TLN1: variants seen among roughly 807,000 people sequenced by gnomAD.
TLN1 encodes talin 1.
In TLN1, 56 loss-of-function variants were observed where a neutral mutation model predicts 292.3. The ratio of observed to expected loss-of-function variants is 0.19; its 90% CI spans 0.15 to 0.24. The LOEUF (loss-of-function observed/expected upper bound fraction) is 0.24, where lower values mean the gene tolerates loss of function less well. Ranked by LOEUF, TLN1 falls within the 10% of genes least tolerant of loss-of-function variation. TLN1 has a pLI of 1.00. For missense variants in TLN1, 2,433 were observed against 3,248.2 expected, an observed-to-expected ratio of 0.75 and a Z score of 6.10; for synonymous variants, 1,119 against 1,253.7, an observed-to-expected ratio of 0.89 and a Z score of 2.27.
Position 35,719,008 on chromosome 9 carries a change from T to C in TLN1, c.1896+66A>G. 1 of 1,597,538 alleles carries C rather than the reference T, an allele frequency of 6.3e-7. No homozygotes were observed. Among genetic ancestry groups the C allele is most frequent in the South Asian group, 1.1e-5 (1 of 90,364 alleles). ...GGACCCAGGCTTCCATCCTGTGGCT[T>C]GGACTGCCCCTTCTCCTTGGGCTTG... is the stretch of plus-strand genomic sequence containing the variant. On this transcript the variant is annotated intron_variant, in intron 16 of 56. Transcript: ENST00000314888. The surrounding 1 kb of genome is among the most constrained non-coding windows in gnomAD (Gnocchi z 4.6).
At chr9:35,715,669 T>C (rs1235774553) in intron 20 of TLN1, among the ~76,000 whole-genome samples, 1 of 152,226 alleles carries the variant, frequency 6.6e-6, no homozygotes, top group Non-Finnish European at 1.5e-5. Flanking sequence ...ACTGAATGCC[T>C]ATGTGTATTC....
In TLN1 at chr9:35,698,273, GT is replaced by G; in HGVS notation, c.7371+49del. 4 of 1,609,342 alleles carry G rather than the reference GT, an allele frequency of 2.5e-6. No homozygotes were observed. The highest frequency in any genetic ancestry group is 3.4e-6 in the Non-Finnish European group (4 of 1,176,408). On this transcript the variant is annotated intron_variant, in intron 55 of 56. Coordinates refer to ENST00000314888, the MANE Select transcript of TLN1 (RefSeq NM_006289.4). This position sits in a 1 kb window ranked among gnomAD's most constrained non-coding sequence, Gnocchi z 5.3. Reference sequence around the variant, plus strand: ...AGAAACATACATCTCGGGAGTGACAGTTTGAAGCAGTATAGCCCAAGGGACA... The same window carrying G: ...AGAAACATACATCTCGGGAGTGACAGTTGAAGCAGTATAGCCCAAGGGACA...
Position 35,707,974 on chromosome 9 carries a change from G to C in TLN1, c.4471-82C>G, listed in dbSNP as rs950858668. ...AGGAGGAGCCATTTTAGGGTCAGGG[G>C]ATGGAGAGCAATACCCTGAGGAGTC... On this transcript the variant is annotated intron_variant, in intron 34 of 56. Transcript: ENST00000314888. This position sits in a 1 kb window ranked among gnomAD's most constrained non-coding sequence, Gnocchi z 5.6. 7 of 1,502,086 alleles carry C rather than the reference G, an allele frequency of 4.7e-6. No individual in the cohort carries two copies. In the African/African-American group the frequency reaches 9.6e-5, roughly 21 times the overall value. The allele number at this position is 1,502,086 out of a possible 1,614,324, so 93.0% of individuals were successfully genotyped here.
rs1825734300 is a variant in TLN1 at position 35,714,144 on chromosome 9, T to G, written c.3121-63A>C. The G allele has an allele frequency of 6.2e-7, 1 of 1,605,528 alleles. No homozygotes were observed. The highest frequency in any genetic ancestry group is 1.7e-5 in the Admixed American group (1 of 59,656). ...GCTGTGTCTCACCAATGCCTCTGAT[T>G]ACACAATTATCTGCGTATTGGGTTA... On this transcript the variant is annotated intron_variant, in intron 24 of 56. Transcript: ENST00000314888. The surrounding 1 kb of genome is among the most constrained non-coding windows in gnomAD (Gnocchi z 4.6).
chr9:35,707,725 G>A lies in TLN1; in HGVS notation c.4632+6C>T. 3 of 1,614,148 alleles carry A rather than the reference G, an allele frequency of 1.9e-6. No homozygotes were observed. Among genetic ancestry groups the A allele is most frequent in the Non-Finnish European group, 2.5e-6 (3 of 1,180,006 alleles). ...GGGAGAGGCTGGGAATTCAAGCAAT[G>A]GGAACCTTGATGGTCTTGACAAGAT... is the stretch of plus-strand genomic sequence containing the variant. On this transcript the variant is annotated splice_donor_region_variant and intron_variant, in intron 35 of 56. Transcript: ENST00000314888. The surrounding 1 kb of genome is among the most constrained non-coding windows in gnomAD (Gnocchi z 5.6).
rs529674960 is a variant in TLN1 at position 35,726,644 on chromosome 9, C to T, written c.-33-917G>A. On this transcript the variant is annotated intron_variant, in intron 1 of 56. Coordinates refer to ENST00000314888, the MANE Select transcript of TLN1 (RefSeq NM_006289.4). ...TGGTTGCTCAAGCCATTCAGGGGTC[C>T]GCTCTTGCCCCAGCTTTTTTCTAAC... 9.8e-5 allele frequency among the ~76,000 whole-genome samples: 15 copies of T among 152,330 alleles called. No individual in the cohort carries two copies. In the East Asian group the frequency reaches 1.7e-3, roughly 18 times the overall value.
rs1825568540 is a variant in TLN1 at position 35,706,555 on chromosome 9, G to A, written c.5089-4C>T. On this transcript the variant is annotated splice_polypyrimidine_tract_variant and splice_region_variant and intron_variant, in intron 38 of 56. Transcript: ENST00000314888. The surrounding 1 kb of genome is among the most constrained non-coding windows in gnomAD (Gnocchi z 4.2). Reference sequence around the variant, plus strand: ...TGAGCATCTGAGTGTGCAAGGCCTGGGGAGGAAGTGGACATTAGCCCTGAT... The same window carrying A: ...TGAGCATCTGAGTGTGCAAGGCCTGAGGAGGAAGTGGACATTAGCCCTGAT... The A allele has an allele frequency of 1.9e-6, 3 of 1,613,682 alleles. No individual in the cohort carries two copies. The highest frequency in any genetic ancestry group is 4.5e-5 in the East Asian group (2 of 44,874).
In TLN1 at chr9:35,699,801, G is replaced by T; in HGVS notation, c.6768+173C>A. 1.4e-6 allele frequency: 1 copy of T among 716,420 alleles called. No homozygotes were observed. Among genetic ancestry groups the T allele is most frequent in the Non-Finnish European group, 1.7e-6 (1 of 584,838 alleles). 44.4% of individuals were successfully genotyped at this position (716,420 alleles called of 1,614,324 possible). A position where few individuals can be genotyped will look rare whatever the true frequency, so the allele number is the denominator to read the frequency against. ...TGACTGGGAGAACCAAAGATGATAA[G>T]AAGGATGGGGCCTGGGAGAAAGGGA... On this transcript the variant is annotated intron_variant, in intron 50 of 56. Transcript: ENST00000314888. The surrounding 1 kb of genome is among the most constrained non-coding windows in gnomAD (Gnocchi z 4.0).
Position 35,698,501 on chromosome 9 carries a change from C to A in TLN1, c.7193G>T (p.Arg2398Leu), listed in dbSNP as rs556571189. 6.2e-7 allele frequency: 1 copy of A among 1,613,708 alleles called. No individual in the cohort carries two copies. The highest frequency in any genetic ancestry group is 8.5e-7 in the Non-Finnish European group (1 of 1,179,870). The change falls in exon 55 of 57, where the codon CGG (arginine) becomes CTG (leucine). Residue 2398 changes from arginine to leucine, a missense_variant. Around this residue, in one of 7 missense-constraint regions of TLN1, gnomAD observed 141 missense variants for 248.5 expected, o/e 0.57. Coordinates refer to ENST00000314888, the MANE Select transcript of TLN1 (RefSeq NM_006289.4). The surrounding 1 kb of genome is among the most constrained non-coding windows in gnomAD (Gnocchi z 5.3). Reference protein sequence around the residue: ...QWSQGLISAARMVAAATNNLC... With the variant: ...QWSQGLISAALMVAAATNNLC... ...ATTGTTGGTGGCCGCAGCCACCATC[C>A]GGGCCTAAAGCAGGGAGAGTTTGCT... is the stretch of plus-strand genomic sequence containing the variant.
chr9:35,723,037 G>A (rs1264202504), intron 7 of TLN1, 116 bp from the exon 8 acceptor site: 4 of 808,046 alleles, frequency 5.0e-6, no homozygotes, highest in Admixed American at 2.2e-5. Context: ...TCTTTGGGGA[G>A]AAAAAAGACT....
At chr9:35,700,765 T>C (rs1307710009) in intron 48 of TLN1, among the ~76,000 whole-genome samples, 2 of 152,218 alleles carry the variant, frequency 1.3e-5, no homozygotes, top group East Asian at 1.9e-4. Context: ...GAAAAGGTTA[T>C]TGGGGACTTG....
At position 35,706,428 on chromosome 9, in the gene TLN1, T is replaced by G. The variant is rs1156683932; in HGVS notation, c.5190+22A>C. 2 of 1,614,058 alleles carry G rather than the reference T, an allele frequency of 1.2e-6. No homozygotes were observed. Among genetic ancestry groups the G allele is most frequent in the Admixed American group, 1.7e-5 (1 of 60,000 alleles). The stretch of plus-strand genomic sequence containing the variant: ...CTCTCTCACCCTACTCCCTGGGACT[T>G]CCCATGAGTCTCCATAGGTACCTTG... On this transcript the variant is annotated intron_variant, in intron 39 of 56. Transcript: ENST00000314888. The surrounding 1 kb of genome is among the most constrained non-coding windows in gnomAD (Gnocchi z 4.2).
rs764460489 is a variant in TLN1, at chr9:35,719,298, G to A, written c.1688-16C>T. ...GCAGGGTCCCCTAAGGGGAAAAGGAGAAAGAGGAACATGAGAGACAGGGCA... is the reference window on the plus strand; with the variant it reads ...GCAGGGTCCCCTAAGGGGAAAAGGAAAAAGAGGAACATGAGAGACAGGGCA... On this transcript the variant is annotated splice_polypyrimidine_tract_variant and intron_variant, in intron 15 of 56. Coordinates refer to ENST00000314888, the MANE Select transcript of TLN1 (RefSeq NM_006289.4). This position sits in a 1 kb window ranked among gnomAD's most constrained non-coding sequence, Gnocchi z 4.6. 8 of 1,607,996 alleles carry A rather than the reference G, an allele frequency of 5.0e-6. No homozygotes were observed. Among genetic ancestry groups the A allele is most frequent in the Middle Eastern group, 3.3e-4 (2 of 6,046 alleles).
At chr9:35,705,002 A>T (rs1164443113) in intron 43 of TLN1, among the ~76,000 whole-genome samples, 187 bp from the exon 44 acceptor site, 5 of 152,202 alleles carry the variant, frequency 3.3e-5, no homozygotes. Flanking sequence ...CACCTCCTAC[A>T]CACAGAAAAT....
chr9:35,724,897 C>T lies in TLN1; in HGVS notation c.291G>A (p.Val97=). The part of the protein sequence containing the change: ...PLKIRMLDGT[V]KTIMVDDSKT... ...TAGAGTCATCCACCATGATCGTCTT[C>T]ACAGTTCCATCCAGCATACGGATCT... Residue 97 remains valine, a synonymous_variant, in exon 4 of 57, where the codon GTG becomes GTA. Coordinates refer to ENST00000314888, the MANE Select transcript of TLN1 (RefSeq NM_006289.4). This position sits in a 1 kb window ranked among gnomAD's most constrained non-coding sequence, Gnocchi z 4.7. 1 of 1,614,196 alleles carries T rather than the reference C, an allele frequency of 6.2e-7. No homozygotes were observed. The highest frequency in any genetic ancestry group is 2.2e-5 in the East Asian group (1 of 44,886).
intron 7 of TLN1, 21 bp downstream of exon 7, chr9:35,723,931 T>C (rs1825921784): frequency 1.2e-6 from 2 of 1,613,414 alleles, no homozygotes; most frequent in Non-Finnish European, 1.7e-6. Flanking sequence ...CCTGACAGGG[T>C]ATAGGATGTG....
intron 48 of TLN1, among the ~76,000 whole-genome samples, chr9:35,701,157 G>A (rs1194842007): frequency 6.6e-6 from 1 of 152,192 alleles, no homozygotes; most frequent in Non-Finnish European, 1.5e-5. Flanking sequence ...GCCTGCAGCA[G>A]ATAAGAGCTT....
chr9:35,725,970 T>C (rs1313760006), intron 1 of TLN1, among the ~76,000 whole-genome samples: 2 of 152,160 alleles, frequency 1.3e-5, no homozygotes, highest in African/African-American at 4.8e-5. Flanking sequence ...TAGAGTACAG[T>C]GGTGCGATCT....
intron 10 of TLN1, 60 bp from the exon 11 acceptor site, chr9:35,720,973 C>A: frequency 7.2e-7 from 1 of 1,396,312 alleles, no homozygotes; most frequent in Non-Finnish European, 1.0e-6. Context: ...ATGGAAATGG[C>A]TAGGATGGGA....
Sources: allele counts gnomAD v4.1 joint callset (sites outside exome capture counted in the v4.1 genomes callset), GRCh38; gene constraint gnomAD v4.1.1; regional missense constraint gnomAD v4.1.1; non-coding constraint Gnocchi (gnomAD v3.1); transcripts MANE v1.5; gene names NCBI Gene and HGNC (gene_info 2026-07-23, HGNC 2026-07-21).